The following FNDC3B variants were observed in gnomAD, a reference collection of about 807,000 sequenced individuals.
The protein encoded by FNDC3B is fibronectin type III domain-containing protein 3B.
In FNDC3B, 12 loss-of-function variants were observed where a neutral mutation model predicts 151.5. The observed-to-expected ratio is 0.08, with a 90% CI of 0.05 to 0.13. FNDC3B has a LOEUF of 0.13. FNDC3B is among the 10% of genes least tolerant of loss of function. The pLI is 1.00. For synonymous variants in FNDC3B, 528 were observed against 549.0 expected (o/e 0.96, Z 0.54); for missense variants, 1,214 against 1,505.3 (o/e 0.81, Z 3.20).
At chr3:172,221,066 G>A (rs1481756439) in intron 3 of FNDC3B, among the ~76,000 whole-genome samples, 3 of 152,108 alleles carry the variant, frequency 2.0e-5, no homozygotes, top group Admixed American at 6.5e-5. Flanking sequence ...GATTGGAATT[G>A]TTTTCTTAAT....
At chr3:172,392,625 G>C (rs986096463) in intron 25 of FNDC3B, among the ~76,000 whole-genome samples, 2 of 151,986 alleles carry the variant, frequency 1.3e-5, no homozygotes, top group Non-Finnish European at 2.9e-5. Flanking sequence ...TACACACTGG[G>C]CTTTAGAAAC....
At chr3:172,340,439 C>T (rs950243485) in intron 16 of FNDC3B, among the ~76,000 whole-genome samples, 2 of 152,142 alleles carry the variant, frequency 1.3e-5, no homozygotes, top group Non-Finnish European at 1.5e-5. Flanking sequence ...GTGCCCACCA[C>T]CATGCCCAGC....
intron 3 of FNDC3B, 35 bp downstream of exon 3, chr3:172,133,581 AT>A (rs935917967): frequency 6.8e-7 from 1 of 1,466,294 alleles, no homozygotes; most frequent in African/African-American, 1.4e-5. Context: ...CTAATCAAAG[AT>A]TTTTTTCTTT....
chr3:172,281,609 C>A (rs1284513173), intron 6 of FNDC3B, among the ~76,000 whole-genome samples: 1 of 152,114 alleles, frequency 6.6e-6, no homozygotes, highest in Non-Finnish European at 1.5e-5. Context: ...TACTGCACAC[C>A]AGAAGGTGGA....
At chr3:172,355,523 G>A (rs964002460) in intron 22 of FNDC3B, among the ~76,000 whole-genome samples, 1 of 152,246 alleles carries the variant, frequency 6.6e-6, no homozygotes, top group East Asian at 1.9e-4. Flanking sequence ...TCTAGGGGGG[G>A]GGCCTAGCAC....
intron 1 of FNDC3B, among the ~76,000 whole-genome samples, chr3:172,088,317 T>G (rs554474476): frequency 1.3e-5 from 2 of 152,204 alleles, no homozygotes; most frequent in African/African-American, 4.8e-5. Flanking sequence ...CCTTTTTATG[T>G]TGCAAATAAA....
chr3:172,289,719 G>A (rs1052625631), intron 7 of FNDC3B, among the ~76,000 whole-genome samples: 1 of 152,186 alleles, frequency 6.6e-6, no homozygotes, highest in Non-Finnish European at 1.5e-5. Context: ...TCTGGCCGGG[G>A]GCACAAACGC....
intron 1 of FNDC3B, among the ~76,000 whole-genome samples, chr3:172,111,251 A>G (rs1186883712): frequency 6.6e-6 from 1 of 152,212 alleles, no homozygotes; most frequent in Non-Finnish European, 1.5e-5. Context: ...ACCTGTTCAT[A>G]GTTCAAACAA....
chr3:172,245,163 A>AT (rs910178090), intron 4 of FNDC3B, among the ~76,000 whole-genome samples: 14 of 151,850 alleles, frequency 9.2e-5, no homozygotes, highest in African/African-American at 1.7e-4. Flanking sequence ...CTTTTTGATA[A>AT]TTTTTTTTTA....
At position 172,310,811 on chromosome 3, in the gene FNDC3B, G is replaced by A; in HGVS notation, c.1201-17G>A. 1 of 1,596,512 alleles carries A rather than the reference G, an allele frequency of 6.3e-7. No individual in the cohort carries two copies. Among genetic ancestry groups the A allele is most frequent in the Admixed American group, 1.7e-5 (1 of 59,990 alleles). ...TGTGAACAACTTTCTCTAATCTCATGTTACTATTTTTTTTAGGCACCAATT... is the reference window on the plus strand; with the variant it reads ...TGTGAACAACTTTCTCTAATCTCATATTACTATTTTTTTTAGGCACCAATT... On this transcript the variant is annotated splice_polypyrimidine_tract_variant and intron_variant, in intron 10 of 25. Coordinates refer to ENST00000415807, the MANE Select transcript of FNDC3B (RefSeq NM_022763.4).
At chr3:172,379,551 C>T (rs1409220794) in intron 24 of FNDC3B, among the ~76,000 whole-genome samples, 2 of 152,252 alleles carry the variant, frequency 1.3e-5, no homozygotes, top group Non-Finnish European at 2.9e-5. Flanking sequence ...GCCCTGCAGA[C>T]TCTTTGGCAG....
intron 3 of FNDC3B, among the ~76,000 whole-genome samples, chr3:172,173,302 A>T (rs1168680161): frequency 6.6e-6 from 1 of 152,100 alleles, no homozygotes; most frequent in African/African-American, 2.4e-5. Context: ...AGATTCTTTT[A>T]TCGTGGGGGT....
chr3:172,221,310 A>G (rs977308372), intron 3 of FNDC3B, among the ~76,000 whole-genome samples: 1 of 152,154 alleles, frequency 6.6e-6, no homozygotes, highest in Non-Finnish European at 1.5e-5. Flanking sequence ...TTCCAGTACA[A>G]TGTTGAATCT....
rs531992635 is a variant in FNDC3B, at chr3:172,205,066, C to T, written c.188-21805C>T. Among the ~76,000 whole-genome samples the T allele has an allele frequency of 5.8e-4, 88 of 151,984 alleles. 2 individuals carry two copies. Among genetic ancestry groups the T allele is most frequent in the Admixed American group, 1.4e-3 (22 of 15,268 alleles). On this transcript the variant is annotated intron_variant, in intron 3 of 25. Transcript: ENST00000415807. ...TGTGTAGTTCTCTGCAGCAGTAAAC[C>T]GTTGCCTGGCCTTAGTCAGTGAGAA... is the stretch of plus-strand genomic sequence containing the variant.
At chr3:172,046,927 A>G (rs1329808740) in intron 1 of FNDC3B, 1 of 152,194 alleles carries the variant, frequency 6.6e-6, no homozygotes, top group African/African-American at 2.4e-5. Flanking sequence ...TCTACCACCA[A>G]ACTCCTAAGG....
chr3:172,069,065 T>C (rs1215861497), intron 1 of FNDC3B, among the ~76,000 whole-genome samples: 3 of 152,212 alleles, frequency 2.0e-5, no homozygotes, highest in Non-Finnish European at 4.4e-5. Context: ...TCTTATTCTG[T>C]GTTACATATT....
intron 3 of FNDC3B, chr3:172,134,296 G>C: frequency 4.0e-6 from 2 of 499,962 alleles, no homozygotes; most frequent in South Asian, 1.5e-5. Flanking sequence ...TAGGTACTTT[G>C]ATCCATATGG....
chr3:172,235,254 T>C (rs756706157), intron 4 of FNDC3B, among the ~76,000 whole-genome samples: 6 of 152,196 alleles, frequency 3.9e-5, no homozygotes, highest in Non-Finnish European at 7.3e-5. Flanking sequence ...CATGGAAATG[T>C]CACATTTTGT....
At chr3:172,312,367 G>A (rs1053042878) in intron 11 of FNDC3B, among the ~76,000 whole-genome samples, 10 of 152,106 alleles carry the variant, frequency 6.6e-5, no homozygotes, top group Non-Finnish European at 1.3e-4. Context: ...TTCATTTTAA[G>A]GTGGTTAATT....
Sources: allele counts gnomAD v4.1 joint callset (sites outside exome capture counted in the v4.1 genomes callset), GRCh38; gene constraint gnomAD v4.1.1; transcripts MANE v1.5; gene names NCBI Gene and HGNC (gene_info 2026-07-23, HGNC 2026-07-21).